The following SLC45A4 variants were observed in gnomAD, a reference collection of about 807,000 sequenced individuals.
SLC45A4 encodes the protein polyamine-transporter SLC45A4.
Under a neutral mutation model 63.7 loss-of-function variants are expected in SLC45A4, and 32 were observed. The observed-to-expected ratio is 0.50, with a 90% CI of 0.38 to 0.67. SLC45A4 has a LOEUF of 0.67. Ranked by LOEUF, SLC45A4 falls within the 30% of genes least tolerant of loss-of-function variation. The probability of loss-of-function intolerance (pLI) is 0.00; values close to 1 mark genes in which losing one functional copy is unlikely to be tolerated. For missense variants in SLC45A4, 1,027 were observed against 1,157.7 expected (o/e 0.89, Z 1.64); for synonymous variants, 535 against 510.0 (o/e 1.05, Z -0.66).
Position 141,236,845 on chromosome 8 carries a change from G to C in SLC45A4, c.242-15080C>G, listed in dbSNP as rs565459929. 2.0e-5 allele frequency among the ~76,000 whole-genome samples: 3 copies of C among 152,344 alleles called. No homozygotes were observed. In the South Asian group the frequency reaches 6.2e-4, roughly 32 times the overall value. On this transcript the variant is annotated intron_variant, in intron 2 of 8. Coordinates refer to ENST00000517878, the MANE Select transcript of SLC45A4 (RefSeq NM_001286646.2). ...CTTCCTCAGAGAGCCACTGGGCGGT[G>C]CCCAGTGGATGAGGGCGCGGAGGGC... is the stretch of plus-strand genomic sequence containing the variant.
intron 2 of SLC45A4, among the ~76,000 whole-genome samples, chr8:141,248,167 T>A (rs1436579522): frequency 1.3e-5 from 2 of 152,132 alleles, no homozygotes; most frequent in Non-Finnish European, 2.9e-5. Flanking sequence ...AAAAAAGACT[T>A]CAGGTCAGGC....
At chr8:141,228,082 G>T (rs377044418) in intron 2 of SLC45A4, 4 of 1,449,260 alleles carry the variant, frequency 2.8e-6, no homozygotes, top group East Asian at 2.3e-5. Context: ...GCTGTGTGGA[G>T]TGGAGCTGTT....
chr8:141,302,528 T>G (rs1480122596), intron 1 of SLC45A4, among the ~76,000 whole-genome samples: 1 of 152,196 alleles, frequency 6.6e-6, no homozygotes, highest in African/African-American at 2.4e-5. Context: ...GAGATGGTTT[T>G]GCCATGTTGG....
chr8:141,284,369 G>C (rs945389569), intron 1 of SLC45A4, among the ~76,000 whole-genome samples: 2 of 152,332 alleles, frequency 1.3e-5, no homozygotes, highest in South Asian at 4.1e-4. Flanking sequence ...CAGCCAGTGC[G>C]GGTCTCTCCT....
At chr8:141,292,910 A>T in intron 1 of SLC45A4, 1 of 152,244 alleles carries the variant, frequency 6.6e-6, no homozygotes, top group East Asian at 1.9e-4. Flanking sequence ...AGCTGGCTCT[A>T]AACTGCAGGA....
intron 1 of SLC45A4, among the ~76,000 whole-genome samples, chr8:141,292,207 G>A (rs1005021977): frequency 1.3e-5 from 2 of 152,224 alleles, no homozygotes; most frequent in Admixed American, 1.3e-4. Context: ...GGAGAAAACG[G>A]CTCACACTCA....
chr8:141,299,503 C>T (rs1341393380), intron 1 of SLC45A4, among the ~76,000 whole-genome samples: 1 of 152,166 alleles, frequency 6.6e-6, no homozygotes, highest in African/African-American at 2.4e-5. Context: ...TCAGAGCTGC[C>T]CTTCAAATGG....
chr8:141,221,799 G>A, intron 2 of SLC45A4, 34 bp from the exon 3 acceptor site: 1 of 1,598,244 alleles, frequency 6.3e-7, no homozygotes, highest in Non-Finnish European at 8.5e-7. Flanking sequence ...GCACACGCAG[G>A]CACTGGCCGG....
In SLC45A4 at chr8:141,215,313, G is replaced by C. The variant is rs1826074018; in HGVS notation, c.1941+446C>G. The stretch of plus-strand genomic sequence containing the variant: ...GAGTACATGCTGAAATAATGTTTTA[G>C]ATACACCAGGTTGAATAAATATGCT... On this transcript the variant is annotated intron_variant, in intron 7 of 8. Transcript: ENST00000517878. This position sits in a 1 kb window ranked among gnomAD's most constrained non-coding sequence, Gnocchi z 4.3. Among the ~76,000 whole-genome samples the C allele has an allele frequency of 6.6e-6, 1 of 152,182 alleles. No individual in the cohort carries two copies. Among genetic ancestry groups the C allele is most frequent in the Non-Finnish European group, 1.5e-5 (1 of 68,040 alleles).
chr8:141,235,151 C>T (rs1166626576), intron 2 of SLC45A4, among the ~76,000 whole-genome samples: 2 of 152,212 alleles, frequency 1.3e-5, no homozygotes, highest in Non-Finnish European at 2.9e-5. Context: ...GGTTGTCACA[C>T]TCCGAAGCCC....
At chr8:141,284,312 G>T (rs1188973594) in intron 1 of SLC45A4, among the ~76,000 whole-genome samples, 1 of 152,206 alleles carries the variant, frequency 6.6e-6, no homozygotes, top group African/African-American at 2.4e-5. Context: ...TGGCCACAGG[G>T]CCAGGGTGGC....
chr8:141,230,208 A>G (rs1223953821), intron 2 of SLC45A4: 3 of 445,024 alleles, frequency 6.7e-6, no homozygotes, highest in Non-Finnish European at 1.4e-5. Context: ...TTTCTGCATC[A>G]CCGACTCAAA....
Position 141,249,785 on chromosome 8 carries a change from C to T in SLC45A4, c.241+4204G>A, listed in dbSNP as rs535984195. 6.6e-5 allele frequency among the ~76,000 whole-genome samples: 10 copies of T among 152,222 alleles called. No individual in the cohort carries two copies. In the South Asian group the frequency reaches 1.7e-3, roughly 25 times the overall value. ...CGATCAGGGAAAACTTTGGTCACTA[C>T]GTTGCCCTTGTAAGTGTCATTTCAG... is the stretch of plus-strand genomic sequence containing the variant. On this transcript the variant is annotated intron_variant, in intron 2 of 8. Coordinates refer to ENST00000517878, the MANE Select transcript of SLC45A4 (RefSeq NM_001286646.2).
At chr8:141,233,866 G>A (rs949171378) in intron 2 of SLC45A4, among the ~76,000 whole-genome samples, 6 of 152,122 alleles carry the variant, frequency 3.9e-5, no homozygotes, top group African/African-American at 1.2e-4. Flanking sequence ...GCAGGTCTGC[G>A]GCTGGACCTG....
Position 141,208,425 on chromosome 8 carries a change from G to C in SLC45A4, c.*3147C>G, listed in dbSNP as rs1825633055. 1 of 152,150 alleles carries C rather than the reference G, an allele frequency of 6.6e-6. No individual in the cohort carries two copies. The highest frequency in any genetic ancestry group is 1.9e-4 in the East Asian group (1 of 5,194). The allele number at this position is 152,150 out of a possible 1,614,324, so 9.4% of individuals were successfully genotyped here. A position where few individuals can be genotyped will look rare whatever the true frequency, so the allele number is the denominator to read the frequency against. ...GGGGTTCTAGGTGGTCACAGACCAA[G>C]TCCTCCACACCTGGGGCATTCAAGA... On this transcript the variant is annotated 3_prime_UTR_variant, in exon 9 of 9. Transcript: ENST00000517878.
chr8:141,300,317 C>G (rs938642866), intron 1 of SLC45A4, among the ~76,000 whole-genome samples: 1 of 152,238 alleles, frequency 6.6e-6, no homozygotes, highest in African/African-American at 2.4e-5. Flanking sequence ...TTCTACTGCT[C>G]TCAGTCCTCA....
At chr8:141,304,759 C>A (rs1426576930) in intron 1 of SLC45A4, among the ~76,000 whole-genome samples, 3 of 152,170 alleles carry the variant, frequency 2.0e-5, no homozygotes, top group Non-Finnish European at 4.4e-5. Context: ...GGCAATAACA[C>A]CCACGTCGTC....
chr8:141,217,175 C>G lies in SLC45A4; in HGVS notation c.1644G>C (p.Ser548=), dbSNP rs762893549. 15 of 1,613,554 alleles carry G rather than the reference C, an allele frequency of 9.3e-6. No individual in the cohort carries two copies. Among genetic ancestry groups the G allele is most frequent in the African/African-American group, 1.3e-5 (1 of 74,904 alleles). Residue 548 remains serine (S), a synonymous_variant, in exon 6 of 9, where the codon TCG becomes TCC. Transcript: ENST00000517878. ...CGGCGTTGTAGGCTTGCCAGGCGGT[C>G]GAGTTCGAGGGGGCCTGTTCCGGAA... ...FEGDPKAPSN[S]TAWQAYNAGV...
intron 2 of SLC45A4, among the ~76,000 whole-genome samples, chr8:141,242,850 G>C (rs1230873712): frequency 1.3e-5 from 2 of 152,218 alleles, no homozygotes; most frequent in African/African-American, 4.8e-5. Flanking sequence ...GCGGGAAGCT[G>C]AATGTGGACC....
Sources: gnomAD v4.1 joint callset for allele counts (sites outside exome capture counted in the v4.1 genomes callset) on GRCh38, gnomAD v4.1.1 for gene constraint, Gnocchi (gnomAD v3.1) non-coding constraint, MANE v1.5 for transcripts, NCBI Gene and HGNC (gene_info 2026-07-23, HGNC 2026-07-21) for gene names.